Variants in TNS3 observed in about 807,000 individuals in gnomAD.
TNS3 encodes the protein tensin-3.
Under a neutral mutation model 140.9 loss-of-function variants are expected in TNS3, and 45 were observed. The ratio of observed to expected loss-of-function variants is 0.32; its 90% CI spans 0.25 to 0.41. TNS3 has a LOEUF of 0.41. TNS3 is among the 10% of genes least tolerant of loss of function. The probability of loss-of-function intolerance (pLI) is 1.00; values close to 1 mark genes in which losing one functional copy is unlikely to be tolerated. For missense variants in TNS3, 1,716 were observed against 1,906.7 expected (o/e 0.90, Z 1.86); for synonymous variants, 815 against 788.4 (o/e 1.03, Z -0.56).
intron 16 of TNS3, among the ~76,000 whole-genome samples, chr7:47,373,387 C>T (rs1030183765): frequency 6.6e-6 from 1 of 152,162 alleles, no homozygotes; most frequent in Non-Finnish European, 1.5e-5. Context: ...AGAATATGGA[C>T]ATAAAGTACC....
At chr7:47,329,703 C>T (rs908610424) in intron 20 of TNS3, among the ~76,000 whole-genome samples, 3 of 152,284 alleles carry the variant, frequency 2.0e-5, no homozygotes, top group African/African-American at 4.8e-5. Flanking sequence ...ATGGACTGGC[C>T]TTTCCCGTGC....
chr7:47,481,568 G>T, intron 3 of TNS3: 1 of 735,226 alleles, frequency 1.4e-6, no homozygotes, highest in Non-Finnish European at 1.7e-6. Context: ...TCACCCAGGG[G>T]CATGCATTCT....
intron 1 of TNS3, among the ~76,000 whole-genome samples, chr7:47,532,743 A>G (rs974343954): frequency 6.6e-6 from 1 of 152,142 alleles, no homozygotes; most frequent in Non-Finnish European, 1.5e-5. Flanking sequence ...CCAGCCAGAA[A>G]TTGGACACCC....
chr7:47,558,006 T>C (rs1381438775), intron 1 of TNS3, among the ~76,000 whole-genome samples: 5 of 152,082 alleles, frequency 3.3e-5, no homozygotes, highest in African/African-American at 1.2e-4. Flanking sequence ...CTCTGGCAAA[T>C]GACAAATGAC....
At chr7:47,354,724 G>C (rs955046000) in intron 17 of TNS3, among the ~76,000 whole-genome samples, 3 of 152,200 alleles carry the variant, frequency 2.0e-5, no homozygotes, top group Non-Finnish European at 4.4e-5. Context: ...TGCAGGTGAT[G>C]TGCAGCTTCA....
intron 23 of TNS3, among the ~76,000 whole-genome samples, chr7:47,300,409 G>T (rs1314447412): frequency 6.6e-6 from 1 of 152,190 alleles, no homozygotes; most frequent in Admixed American, 6.5e-5. Flanking sequence ...TCAAGCACAT[G>T]CCAACAGCAG....
At chr7:47,464,536 G>C (rs114814099) in intron 4 of TNS3, among the ~76,000 whole-genome samples, 1 of 152,144 alleles carries the variant, frequency 6.6e-6, no homozygotes, top group Non-Finnish European at 1.5e-5. Flanking sequence ...AGGCTGAACA[G>C]ACTTCAGTTT....
chr7:47,552,611 G>T (rs1446158589), intron 1 of TNS3, among the ~76,000 whole-genome samples: 2 of 152,096 alleles, frequency 1.3e-5, no homozygotes, highest in Non-Finnish European at 2.9e-5. Context: ...TTGTTTTGGG[G>T]TGCCATGAAC....
intron 2 of TNS3, among the ~76,000 whole-genome samples, chr7:47,527,913 A>T (rs571805404): frequency 6.6e-6 from 1 of 152,198 alleles, no homozygotes; most frequent in South Asian, 2.1e-4. Flanking sequence ...TCTCCAAAAA[A>T]AAAAAAAAAA....
rs557033780 is a variant in TNS3 at position 47,411,573 on chromosome 7, C to T, written c.723+154G>A. ...GGTCCACGGCCCAGGCGTGGGGGAC[C>T]CCAGTGTTAAGGTAAAAGCTACTTT... On this transcript the variant is annotated intron_variant, in intron 13 of 30. Coordinates refer to ENST00000311160, the MANE Select transcript of TNS3 (RefSeq NM_022748.12). Among the ~76,000 whole-genome samples, 4 of 152,282 alleles carry T rather than the reference C, an allele frequency of 2.6e-5. No individual in the cohort carries two copies. In the South Asian group the frequency reaches 8.3e-4, roughly 32 times the overall value.
At position 47,351,402 on chromosome 7, in the gene TNS3, G is replaced by A. The variant is rs113665344; in HGVS notation, c.2282-5046C>T. Among the ~76,000 whole-genome samples the A allele has an allele frequency of 7.4e-3, 1,120 of 152,074 alleles. 11 individuals carry two copies. Among genetic ancestry groups the A allele is most frequent in the African/African-American group, 0.026 (1,061 of 41,476 alleles). On this transcript the variant is annotated intron_variant, in intron 17 of 30. Coordinates refer to ENST00000311160, the MANE Select transcript of TNS3 (RefSeq NM_022748.12). The stretch of plus-strand genomic sequence containing the variant: ...CTTCCCAGAGGTTACAATGCAAGGC[G>A]TCCTGCAGCAGGGGTCTCTCTCTCC...
intron 1 of TNS3, among the ~76,000 whole-genome samples, chr7:47,576,749 T>C (rs1177817669): frequency 1.3e-5 from 2 of 152,218 alleles, no homozygotes; most frequent in African/African-American, 2.4e-5. Context: ...GTGCCTTTTA[T>C]TGTGTGGCTC....
At chr7:47,437,753 C>G (rs1795256586) in intron 6 of TNS3, among the ~76,000 whole-genome samples, 1 of 69,100 alleles carries the variant, frequency 1.4e-5, no homozygotes, top group Non-Finnish European at 3.5e-5. Flanking sequence ...GATACACACA[C>G]ACACACACAC....
At chr7:47,355,180 C>T (rs567304672) in intron 17 of TNS3, among the ~76,000 whole-genome samples, 3 of 152,224 alleles carry the variant, frequency 2.0e-5, no homozygotes, top group Non-Finnish European at 4.4e-5. Flanking sequence ...CCTGAGACTC[C>T]GCCACGCCCA....
At chr7:47,515,282 G>A (rs905535341) in intron 2 of TNS3, among the ~76,000 whole-genome samples, 11 of 152,244 alleles carry the variant, frequency 7.2e-5, no homozygotes, top group African/African-American at 2.6e-4. Flanking sequence ...TAGAAATACT[G>A]GCCTGCATCA....
At chr7:47,498,636 C>T (rs1277521080) in intron 3 of TNS3, among the ~76,000 whole-genome samples, 1 of 152,154 alleles carries the variant, frequency 6.6e-6, no homozygotes, top group African/African-American at 2.4e-5. Context: ...CTCTTTTGGC[C>T]TCTTTTTGGG....
intron 27 of TNS3, 90 bp from the exon 28 acceptor site, chr7:47,283,955 TG>T: frequency 7.7e-7 from 1 of 1,298,648 alleles, no homozygotes; most frequent in Non-Finnish European, 1.0e-6. Context: ...ATGTGCAGAC[TG>T]GGTTTATGAA....
At chr7:47,460,685 G>A (rs1431257817) in intron 4 of TNS3, among the ~76,000 whole-genome samples, 5 of 152,250 alleles carry the variant, frequency 3.3e-5, no homozygotes, top group Admixed American at 2.6e-4. Context: ...CTAGCCACAC[G>A]TGGAAACGTT....
intron 10 of TNS3, among the ~76,000 whole-genome samples, chr7:47,420,127 CTTG>C (rs2151454107): frequency 6.6e-6 from 1 of 152,320 alleles, no homozygotes; most frequent in South Asian, 2.1e-4. Context: ...AACTACTCTC[CTTG>C]TATCTTTAAA....
Sources: allele counts gnomAD v4.1 joint callset (sites outside exome capture counted in the v4.1 genomes callset), GRCh38; gene constraint gnomAD v4.1.1; transcripts MANE v1.5; gene names NCBI Gene and HGNC (gene_info 2026-07-23, HGNC 2026-07-21).